SDCCAG8: variants seen among roughly 807,000 people sequenced by gnomAD.
The protein encoded by SDCCAG8 is SHH signaling and ciliogenesis regulator SDCCAG8.
Under a neutral mutation model 101.8 loss-of-function variants are expected in SDCCAG8, and 74 were observed. The observed-to-expected ratio is 0.73, with a 90% CI of 0.60 to 0.88. The LOEUF is 0.88. Ranked by LOEUF, SDCCAG8 falls within the 40% of genes least tolerant of loss-of-function variation. The pLI is 0.00. For missense variants in SDCCAG8, 787 were observed against 822.6 expected, an observed-to-expected ratio of 0.96 and a Z score of 0.53; for synonymous variants, 281 against 292.9, an observed-to-expected ratio of 0.96 and a Z score of 0.41.
intron 12 of SDCCAG8, among the ~76,000 whole-genome samples, chr1:243,364,890 C>T (rs1573581056): frequency 1.3e-5 from 2 of 151,894 alleles, no homozygotes; most frequent in African/African-American, 2.4e-5. Context: ...ATAAGTCTTA[C>T]ATTTGTTCTA....
chr1:243,321,238 TTGTC>T (rs1257212694), intron 9 of SDCCAG8, among the ~76,000 whole-genome samples: 1 of 152,192 alleles, frequency 6.6e-6, no homozygotes, highest in Non-Finnish European at 1.5e-5. Flanking sequence ...TATTGCTTGT[TTGTC>T]TGTATCCTTC....
intron 10 of SDCCAG8, among the ~76,000 whole-genome samples, chr1:243,331,822 G>A (rs2074616390): frequency 6.6e-6 from 1 of 152,166 alleles, no homozygotes; most frequent in African/African-American, 2.4e-5. Context: ...GAGGGGCTGG[G>A]AATGTTGTAG....
At chr1:243,419,598 T>A (rs1301360287) in intron 15 of SDCCAG8, among the ~76,000 whole-genome samples, 1 of 152,178 alleles carries the variant, frequency 6.6e-6, no homozygotes, top group East Asian at 1.9e-4. Context: ...TCACCACAAC[T>A]TGAGGCAGGA....
chr1:243,319,270 A>G (rs1362386243), intron 9 of SDCCAG8, among the ~76,000 whole-genome samples: 1 of 152,154 alleles, frequency 6.6e-6, no homozygotes, highest in Non-Finnish European at 1.5e-5. Flanking sequence ...TATCCAAACC[A>G]TATCACACTC....
intron 13 of SDCCAG8, among the ~76,000 whole-genome samples, chr1:243,382,345 A>T (rs2078009160): frequency 6.6e-6 from 1 of 152,324 alleles, no homozygotes; most frequent in African/African-American, 2.4e-5. Context: ...ATTGCAACCC[A>T]TGGGTCAAGT....
chr1:243,463,923 G>T (rs749733131), intron 16 of SDCCAG8, among the ~76,000 whole-genome samples: 73 of 152,114 alleles, frequency 4.8e-4, no homozygotes, highest in Non-Finnish European at 9.1e-4. Flanking sequence ...TGAACTCTCG[G>T]TGTTCCCGTG....
At chr1:243,300,850 T>C (rs1351712152) in intron 6 of SDCCAG8, among the ~76,000 whole-genome samples, 1 of 152,230 alleles carries the variant, frequency 6.6e-6, no homozygotes, top group Non-Finnish European at 1.5e-5. Context: ...TAGGTTTGTA[T>C]TGTGTGGGTT....
intron 4 of SDCCAG8, among the ~76,000 whole-genome samples, chr1:243,279,927 AG>A (rs1442274751): frequency 6.6e-6 from 1 of 152,214 alleles, no homozygotes; most frequent in Non-Finnish European, 1.5e-5. Flanking sequence ...AAAATGAGTT[AG>A]GAAATACTTC....
intron 9 of SDCCAG8, among the ~76,000 whole-genome samples, chr1:243,317,376 A>G (rs1344191192): frequency 6.8e-6 from 1 of 147,746 alleles, no homozygotes; most frequent in Non-Finnish European, 1.5e-5. Context: ...GCTGGAGTGC[A>G]ATGGCACGAT....
intron 10 of SDCCAG8, among the ~76,000 whole-genome samples, chr1:243,339,264 CA>C (rs2075242877): frequency 1.3e-5 from 2 of 152,072 alleles, no homozygotes; most frequent in African/African-American, 4.8e-5. Flanking sequence ...ATATTTACTT[CA>C]AAAACCATAC....
At chr1:243,476,224 G>A (rs1574271995) in intron 16 of SDCCAG8, 21 of 985,484 alleles carry the variant, frequency 2.1e-5, no homozygotes, top group Middle Eastern at 5.2e-4. Flanking sequence ...TCTTTGACAA[G>A]GGTCAGCGGG....
intron 13 of SDCCAG8, among the ~76,000 whole-genome samples, chr1:243,404,307 G>A (rs72759861): frequency 0.12 from 17,649 of 152,186 alleles, 1,172 homozygotes; most frequent in African/African-American, 0.15. Flanking sequence ...GGAAAGGGCC[G>A]CTCTGTAGCT....
intron 13 of SDCCAG8, among the ~76,000 whole-genome samples, chr1:243,414,118 A>G (rs2080393232): frequency 6.6e-6 from 1 of 152,220 alleles, no homozygotes; most frequent in Non-Finnish European, 1.5e-5. Flanking sequence ...GATAAATACT[A>G]TCTTTGTACG....
At chr1:243,318,057 G>A (rs1414353033) in intron 9 of SDCCAG8, 2 of 456,408 alleles carry the variant, frequency 4.4e-6, no homozygotes, top group African/African-American at 4.0e-5. Flanking sequence ...AATAGCAAAC[G>A]TAAACGATGG....
At chr1:243,307,206 A>C (rs115493270) in intron 7 of SDCCAG8, 6,964 of 168,468 alleles carry the variant, frequency 0.041, 295 homozygotes, top group African/African-American at 0.12. Context: ...CACCTTGGAG[A>C]AAAACCTCAT....
intron 9 of SDCCAG8, among the ~76,000 whole-genome samples, chr1:243,324,738 T>G (rs1001031442): frequency 3.9e-5 from 6 of 152,182 alleles, no homozygotes; most frequent in African/African-American, 1.4e-4. Flanking sequence ...CTCATAACAT[T>G]TATAGTTCCT....
At chr1:243,338,348 T>C (rs1399707334) in intron 10 of SDCCAG8, among the ~76,000 whole-genome samples, 3 of 152,216 alleles carry the variant, frequency 2.0e-5, no homozygotes, top group Non-Finnish European at 4.4e-5. Flanking sequence ...TCTGCTTTCC[T>C]AACTGTAGGA....
chr1:243,439,232 C>A (rs1352000428), intron 16 of SDCCAG8, among the ~76,000 whole-genome samples: 1 of 152,108 alleles, frequency 6.6e-6, no homozygotes, highest in Non-Finnish European at 1.5e-5. Context: ...TGGCTCACTG[C>A]AGCCTCAACC....
chr1:243,294,195 A>G (rs1234766760), intron 6 of SDCCAG8, among the ~76,000 whole-genome samples: 1 of 151,918 alleles, frequency 6.6e-6, no homozygotes, highest in Non-Finnish European at 1.5e-5. Flanking sequence ...ATTCCTTGTT[A>G]TTGTGTTGTT....
Sources: gnomAD v4.1 joint callset for allele counts (sites outside exome capture counted in the v4.1 genomes callset) on GRCh38, gnomAD v4.1.1 for gene constraint, MANE v1.5 for transcripts, NCBI Gene and HGNC (gene_info 2026-07-23, HGNC 2026-07-21) for gene names.